ANXA2: variants seen among roughly 807,000 people sequenced by gnomAD.
The protein encoded by ANXA2 is annexin A2, also known as annexin II.
In ANXA2, 28 loss-of-function variants were observed where a neutral mutation model predicts 47.3. The observed-to-expected ratio is 0.59, with a 90% CI of 0.44 to 0.81. The LOEUF (loss-of-function observed/expected upper bound fraction) is 0.81. ANXA2 is among the 40% of genes least tolerant of loss of function. The probability of loss-of-function intolerance (pLI) is 0.00; values close to 1 mark genes in which losing one functional copy is unlikely to be tolerated. For missense variants in ANXA2, 384 were observed against 414.3 expected (o/e 0.93, Z 0.64); for synonymous variants, 172 against 155.5 (o/e 1.11, Z -0.79).
chr15:60,360,658 T>C (rs557541829), intron 5 of ANXA2, among the ~76,000 whole-genome samples: 3 of 152,302 alleles, frequency 2.0e-5, no homozygotes, highest in Non-Finnish European at 4.4e-5. Context: ...GGAAGTGTAA[T>C]CAAGGAAGTA....
intron 2 of ANXA2, chr15:60,382,906 G>A (rs1015416817): frequency 1.3e-5 from 2 of 154,618 alleles, no homozygotes; most frequent in East Asian, 3.8e-4. Flanking sequence ...TCAGATAAAT[G>A]AGGGAAGCAG....
chr15:60,378,803 T>C (rs1208701505), intron 3 of ANXA2, among the ~76,000 whole-genome samples: 1 of 151,784 alleles, frequency 6.6e-6, no homozygotes, highest in Non-Finnish European at 1.5e-5. Context: ...CCGTCTCTAC[T>C]AAAAATACAA....
At chr15:60,364,885 C>T (rs1226780012) in intron 3 of ANXA2, among the ~76,000 whole-genome samples, 1 of 151,090 alleles carries the variant, frequency 6.6e-6, no homozygotes, top group East Asian at 1.9e-4. Flanking sequence ...AATGAAGGTC[C>T]CCAAATTGCC....
chr15:60,394,108 C>CT (rs2063050223), intron 1 of ANXA2, among the ~76,000 whole-genome samples: 1 of 152,188 alleles, frequency 6.6e-6, no homozygotes, highest in Admixed American at 6.5e-5. Context: ...CCCCCCACCT[C>CT]TGTGCTGTCA....
chr15:60,397,184 T>C, intron 1 of ANXA2: 1 of 833,574 alleles, frequency 1.2e-6, no homozygotes, highest in Non-Finnish European at 1.4e-6. Flanking sequence ...CTCTCTACTC[T>C]CAGTTCCTGA....
chr15:60,378,764 G>A (rs1488029549), intron 3 of ANXA2, among the ~76,000 whole-genome samples: 2 of 152,176 alleles, frequency 1.3e-5, no homozygotes, highest in East Asian at 1.9e-4. Flanking sequence ...CCAGGAGTTC[G>A]AGAGCAGCCT....
rs146367349 is a variant in ANXA2 at position 60,382,550 on chromosome 15, T to C, written c.49-109A>G. Reference sequence around the variant, plus strand: ...TTGTTTCTTTTAACAATTCAGATCATTCTCATACTAGGTAACTAGGTAGGT... The same window carrying C: ...TTGTTTCTTTTAACAATTCAGATCACTCTCATACTAGGTAACTAGGTAGGT... On this transcript the variant is annotated intron_variant, in intron 2 of 12. Transcript: ENST00000451270. 23 of 741,296 alleles carry C rather than the reference T, an allele frequency of 3.1e-5. No individual in the cohort carries two copies. In the Middle Eastern group the frequency reaches 9.7e-4, roughly 31 times the overall value. The allele number at this position is 741,296 out of a possible 1,614,324, so 45.9% of individuals were successfully genotyped here. A position where few individuals can be genotyped will look rare whatever the true frequency, so the allele number is the denominator to read the frequency against.
chr15:60,363,184 G>A (rs564195990), intron 4 of ANXA2, among the ~76,000 whole-genome samples: 4 of 152,042 alleles, frequency 2.6e-5, no homozygotes, highest in Admixed American at 6.5e-5. Context: ...CTGGGAACTT[G>A]GCTCTACCAG....
chr15:60,392,791 T>C (rs953300757), intron 1 of ANXA2, among the ~76,000 whole-genome samples: 1 of 152,198 alleles, frequency 6.6e-6, no homozygotes, highest in Non-Finnish European at 1.5e-5. Context: ...TTAGCAACCA[T>C]GGTGAATCAA....
Position 60,352,570 on chromosome 15 carries a change from C to A in ANXA2, c.589-94G>T, listed in dbSNP as rs1438788121. 1.2e-6 allele frequency: 1 copy of A among 842,104 alleles called. No individual in the cohort carries two copies. Among genetic ancestry groups the A allele is most frequent in the African/African-American group, 1.7e-5 (1 of 58,438 alleles). The allele number at this position is 842,104 out of a possible 1,614,324, so 52.2% of individuals were successfully genotyped here. ...AAAAAAACAAAAAAAGCTACACATTCAAAATGCCAAACGAGGAAAGATGAT... is the reference window on the plus strand; with the variant it reads ...AAAAAAACAAAAAAAGCTACACATTAAAAATGCCAAACGAGGAAAGATGAT... On this transcript the variant is annotated intron_variant, in intron 8 of 12. Coordinates refer to ENST00000451270, the MANE Select transcript of ANXA2 (RefSeq NM_004039.3). This position sits in a 1 kb window ranked among gnomAD's most constrained non-coding sequence, Gnocchi z 4.2.
chr15:60,365,296 C>G (rs2062579936), intron 3 of ANXA2, among the ~76,000 whole-genome samples: 1 of 152,056 alleles, frequency 6.6e-6, no homozygotes, highest in African/African-American at 2.4e-5. Context: ...CAAAGATAAG[C>G]AATGCCTTCT....
chr15:60,353,935 C>A lies in ANXA2; in HGVS notation c.588+219G>T, dbSNP rs73435148. On this transcript the variant is annotated intron_variant, in intron 8 of 12. Coordinates refer to ENST00000451270, the MANE Select transcript of ANXA2 (RefSeq NM_004039.3). ...AAGCCCTCAGGTGACTGCAGCCATG[C>A]AACATTTTGTCTGCAACCTCAGAAA... is the stretch of plus-strand genomic sequence containing the variant. Among the ~76,000 whole-genome samples the A allele has an allele frequency of 3.1e-3, 467 of 152,310 alleles. 3 individuals are homozygous for A. Among genetic ancestry groups the A allele is most frequent in the African/African-American group, 0.011 (458 of 41,558 alleles).
intron 12 of ANXA2, 36 bp from the exon 13 acceptor site, chr15:60,347,725 C>G: frequency 6.3e-7 from 1 of 1,595,326 alleles, no homozygotes; most frequent in Non-Finnish European, 8.6e-7. Context: ...AACGTGGTAT[C>G]AGAAAAAAGC....
At chr15:60,381,005 T>C (rs989225728) in intron 3 of ANXA2, among the ~76,000 whole-genome samples, 4 of 152,004 alleles carry the variant, frequency 2.6e-5, no homozygotes, top group Non-Finnish European at 5.9e-5. Context: ...TTTTCTACTC[T>C]ACTTCCTGTC....
intron 3 of ANXA2, among the ~76,000 whole-genome samples, chr15:60,366,853 G>A (rs1447999581): frequency 6.3e-4 from 61 of 96,670 alleles, no homozygotes; most frequent in Middle Eastern, 6.3e-3. Flanking sequence ...AGGTGGGGGG[G>A]TCAGCCCCCC....
rs1162065382 is a variant in ANXA2 at position 60,388,735 on chromosome 15, C to CT, written c.-11-2650dup. 6.0e-3 allele frequency among the ~76,000 whole-genome samples: 799 copies of CT among 134,006 alleles called. 10 individuals carry two copies. The highest frequency in any genetic ancestry group is 0.014 in the African/African-American group (517 of 36,284). 87.9% of individuals were successfully genotyped at this position (134,006 alleles called of 152,430 possible). ...CAGGGGTTAGCCACCACACCTAGAC[C>CT]TTTTTTTTTTTTTTTTTTGTCTGAG... On this transcript the variant is annotated intron_variant, in intron 1 of 12. Transcript: ENST00000451270.
chr15:60,394,491 C>T (rs2063054944), intron 1 of ANXA2: 2 of 152,168 alleles, frequency 1.3e-5, no homozygotes, highest in Admixed American at 6.6e-5. Flanking sequence ...TTGAGCTCAA[C>T]AGTTCCAGAC....
At chr15:60,366,805 G>C (rs1357943348) in intron 3 of ANXA2, among the ~76,000 whole-genome samples, 1 of 72,986 alleles carries the variant, frequency 1.4e-5, no homozygotes, top group Non-Finnish European at 3.1e-5. Flanking sequence ...AGGGAGGCGG[G>C]GGGGGGGGGG....
chr15:60,348,978 A>G (rs1895857944), intron 12 of ANXA2, 97 bp downstream of exon 12: 2 of 1,454,586 alleles, frequency 1.4e-6, no homozygotes, highest in Admixed American at 1.8e-5. Context: ...GTCAGAAAAC[A>G]GAAAATCGCC....
Sources: allele counts gnomAD v4.1 joint callset (sites outside exome capture counted in the v4.1 genomes callset), GRCh38; gene constraint gnomAD v4.1.1; non-coding constraint Gnocchi (gnomAD v3.1); transcripts MANE v1.5; gene names NCBI Gene and HGNC (gene_info 2026-07-23, HGNC 2026-07-21).